The following OXNAD1 variants were observed in gnomAD, a reference collection of about 807,000 sequenced individuals.
OXNAD1 encodes oxidoreductase NAD-binding domain-containing protein 1.
Under a neutral mutation model 32.9 loss-of-function variants are expected in OXNAD1, and 34 were observed. The observed-to-expected ratio is 1.03, with a 90% CI of 0.79 to 1.38. The LOEUF (loss-of-function observed/expected upper bound fraction) is 1.38, where lower values mean the gene tolerates loss of function less well. OXNAD1 is among the 40% of genes most tolerant of loss of function. The pLI is 0.00. For synonymous variants in OXNAD1, 134 were observed against 135.2 expected (o/e 0.99, Z 0.06); for missense variants, 407 against 379.4 (o/e 1.07, Z -0.60).
chr3:16,322,809 G>C lies in OXNAD1; in HGVS notation c.*31-14303G>C, dbSNP rs777619193. Among the ~76,000 whole-genome samples the C allele has an allele frequency of 3.9e-5, 6 of 152,094 alleles. No individual in the cohort carries two copies. The highest frequency in any genetic ancestry group is 6.5e-5 in the Admixed American group (1 of 15,286). ...TCCGGAGAGGGGGAAAAGGGCCCTGGGGATCTCTTGAGGACAGCCTGGCCT... is the reference window on the plus strand; with the variant it reads ...TCCGGAGAGGGGGAAAAGGGCCCTGCGGATCTCTTGAGGACAGCCTGGCCT... On this transcript the variant is annotated intron_variant, in intron 9 of 9. Transcript: ENST00000435829. This position sits in a 1 kb window ranked among gnomAD's most constrained non-coding sequence, Gnocchi z 6.2.
chr3:16,329,599 C>A lies in OXNAD1; in HGVS notation c.*31-7513C>A, dbSNP rs1367843660. Among the ~76,000 whole-genome samples, 1 of 152,178 alleles carries A rather than the reference C, an allele frequency of 6.6e-6. No individual in the cohort carries two copies. Among genetic ancestry groups the A allele is most frequent in the African/African-American group, 2.4e-5 (1 of 41,458 alleles). On this transcript the variant is annotated intron_variant, in intron 9 of 9. Coordinates refer to the OXNAD1 transcript ENST00000435829. The surrounding 1 kb of genome is among the most constrained non-coding windows in gnomAD (Gnocchi z 4.5). ...CCCGTATTCCTCCTGCTGGGTGCCA[C>A]GCTCACCACCTGCTGAAGGAGTCCT...
At chr3:16,274,180 A>C (rs900271268) in intron 4 of OXNAD1, among the ~76,000 whole-genome samples, 14 of 151,462 alleles carry the variant, frequency 9.2e-5, no homozygotes, top group Non-Finnish European at 1.8e-4. Flanking sequence ...AAAAAAAAAA[A>C]AAAACAAAAG....
chr3:16,268,411 C>T (rs1239534861), intron 1 of OXNAD1, among the ~76,000 whole-genome samples: 1 of 145,796 alleles, frequency 6.9e-6, no homozygotes, highest in Admixed American at 7.1e-5. Flanking sequence ...CCCACTGCAA[C>T]CTCCGCCTCC....
Position 16,329,709 on chromosome 3 carries a change from C to G in OXNAD1, c.*31-7403C>G, listed in dbSNP as rs1488258459. On this transcript the variant is annotated intron_variant, in intron 9 of 9. Transcript: ENST00000435829. This position sits in a 1 kb window ranked among gnomAD's most constrained non-coding sequence, Gnocchi z 4.5. ...GAGGAAAACCAATTTTAAATCCACA[C>G]TCTCAAGCTTTGCGAGGTTATGATT... is the stretch of plus-strand genomic sequence containing the variant. Among the ~76,000 whole-genome samples the G allele has an allele frequency of 6.6e-6, 1 of 152,174 alleles. No homozygotes were observed. Among genetic ancestry groups the G allele is most frequent in the African/African-American group, 2.4e-5 (1 of 41,444 alleles).
intron 2 of OXNAD1, 121 bp from the exon 3 acceptor site, chr3:16,270,824 A>G (rs1211215736): frequency 1.4e-6 from 2 of 1,415,852 alleles, no homozygotes; most frequent in Non-Finnish European, 9.5e-7. Context: ...CTTTGGTGGT[A>G]ACTTGACTCA....
At chr3:16,338,321 T>C (rs1277755203), downstream of OXNAD1, among the ~76,000 whole-genome samples, 1 of 152,184 alleles carries the variant, frequency 6.6e-6, no homozygotes, top group African/African-American at 2.4e-5. This position sits in a 1 kb window ranked among gnomAD's most constrained non-coding sequence, Gnocchi z 5.3. Context: ...GGGAAGGTAA[T>C]GAGGCCGGAC....
rs1355711737 is a variant in OXNAD1 at position 16,346,351 on chromosome 3, T to C, written c.*31-2825T>C. The C allele has an allele frequency of 6.6e-6, 1 of 152,224 alleles. No individual in the cohort carries two copies. The highest frequency in any genetic ancestry group is 1.5e-5 in the Non-Finnish European group (1 of 68,044). The allele number at this position is 152,224 out of a possible 1,614,324, so 9.4% of individuals were successfully genotyped here. A position where few individuals can be genotyped will look rare whatever the true frequency, so the allele number is the denominator to read the frequency against. ...CTTACTTGTATCACTAAATTTTGTA[T>C]ATGAAGTGAAATATGGCTGTCTGAG... On this transcript the variant is annotated intron_variant, in intron 9 of 9. Coordinates refer to the OXNAD1 transcript ENST00000606098. This position sits in a 1 kb window ranked among gnomAD's most constrained non-coding sequence, Gnocchi z 4.4.
rs2066355350 is a variant in OXNAD1, at chr3:16,290,437, A to G, written c.290+3989A>G. 6.6e-6 allele frequency among the ~76,000 whole-genome samples: 1 copy of G among 152,186 alleles called. No homozygotes were observed. Among genetic ancestry groups the G allele is most frequent in the Non-Finnish European group, 1.5e-5 (1 of 68,038 alleles). On this transcript the variant is annotated intron_variant, in intron 5 of 8. Coordinates refer to ENST00000285083, the MANE Select transcript of OXNAD1 (RefSeq NM_138381.5). The surrounding 1 kb of genome is among the most constrained non-coding windows in gnomAD (Gnocchi z 4.2). ...AGGTAGCTTTCCAGAGTTACTAGAG[A>G]AGAGGGTTGGTTCCCTTTCATTCAA...
chr3:16,326,898 T>G (rs752866371), intron 9 of OXNAD1: 1 of 1,589,212 alleles, frequency 6.3e-7, no homozygotes, highest in Non-Finnish European at 8.6e-7. Flanking sequence ...AGGCCAGCAT[T>G]AGGGCTGCTG....
downstream of OXNAD1, among the ~76,000 whole-genome samples, chr3:16,311,011 A>AAAAAAAAAG (rs1472119686): frequency 3.0e-3 from 411 of 136,142 alleles, 12 homozygotes; most frequent in African/African-American, 0.012. Flanking sequence ...AAAAAAAAAA[A>AAAAAAAAAG]AAATCATCTG....
In OXNAD1 at chr3:16,317,010, G is replaced by C; in HGVS notation, c.*30+13418G>C. The C allele has an allele frequency of 6.2e-7, 1 of 1,613,682 alleles. No homozygotes were observed. Among genetic ancestry groups the C allele is most frequent in the Admixed American group, 1.7e-5 (1 of 59,998 alleles). On this transcript the variant is annotated intron_variant, in intron 9 of 9. Coordinates refer to the OXNAD1 transcript ENST00000435829. This position sits in a 1 kb window ranked among gnomAD's most constrained non-coding sequence, Gnocchi z 4.3. ...CACAGCAGGCCACCAGGGGACAGCT[G>C]TTCTCCCTTGTCCTCTTGGACAGGG...
Position 16,317,161 on chromosome 3 carries a change from G to A in OXNAD1, c.*30+13569G>A. Reference sequence around the variant, plus strand: ...TTTCTTCTGCTTGTTGTTTGTCTCTGGCACTGAGTTTACCTTTTGATTTCC... The same window carrying A: ...TTTCTTCTGCTTGTTGTTTGTCTCTAGCACTGAGTTTACCTTTTGATTTCC... On this transcript the variant is annotated intron_variant, in intron 9 of 9. Transcript: ENST00000435829. The surrounding 1 kb of genome is among the most constrained non-coding windows in gnomAD (Gnocchi z 4.3). 1 of 1,613,486 alleles carries A rather than the reference G, an allele frequency of 6.2e-7. No individual in the cohort carries two copies. The highest frequency in any genetic ancestry group is 8.5e-7 in the Non-Finnish European group (1 of 1,179,952).
intron 4 of OXNAD1, chr3:16,276,276 G>A (rs1342725259): frequency 9.1e-6 from 2 of 220,652 alleles, no homozygotes; most frequent in Non-Finnish European, 1.8e-5. Flanking sequence ...TTTAATACAA[G>A]TGATTTTTCT....
chr3:16,277,070 G>A lies in OXNAD1; in HGVS notation c.183+5348G>A, dbSNP rs181546821. ...CTCCCCAGTAGCTGGGATTACAGGC[G>A]CCTGCCACCATGCCCGGCTAACTTT... On this transcript the variant is annotated intron_variant, in intron 4 of 8. Coordinates refer to ENST00000285083, the MANE Select transcript of OXNAD1 (RefSeq NM_138381.5). This position sits in a 1 kb window ranked among gnomAD's most constrained non-coding sequence, Gnocchi z 4.3. 2.0e-4 allele frequency among the ~76,000 whole-genome samples: 31 copies of A among 151,948 alleles called. 1 individual carries two copies. In the East Asian group the frequency reaches 5.8e-3, roughly 28 times the overall value.
chr3:16,338,503 AAC>A (rs373939590), downstream of OXNAD1, among the ~76,000 whole-genome samples: 140 of 152,354 alleles, frequency 9.2e-4, no homozygotes, highest in African/African-American at 3.2e-3. The surrounding 1 kb of genome is among the most constrained non-coding windows in gnomAD (Gnocchi z 5.3). Flanking sequence ...TGACATCTTA[AAC>A]ACACATTGAG....
intron 9 of OXNAD1, chr3:16,313,800 T>TA: frequency 6.6e-6 from 1 of 152,348 alleles, no homozygotes; most frequent in Middle Eastern, 3.4e-3. Flanking sequence ...AAAACAGTGT[T>TA]ACTACTTCAT....
chr3:16,349,307 T>A (rs540457416), exon 10 of OXNAD1: 2 of 152,164 alleles, frequency 1.3e-5, no homozygotes, highest in South Asian at 4.1e-4. Flanking sequence ...CACCCTAAGA[T>A]AAAAGTTGGA....
At chr3:16,308,292 G>A (rs1158551193), downstream of OXNAD1, among the ~76,000 whole-genome samples, 2 of 152,162 alleles carry the variant, frequency 1.3e-5, no homozygotes, top group Non-Finnish European at 2.9e-5. This position sits in a 1 kb window ranked among gnomAD's most constrained non-coding sequence, Gnocchi z 4.4. Context: ...GACTGGGTGA[G>A]TCACTGGAAT....
At position 16,335,835 on chromosome 3, in the gene OXNAD1, TCA is replaced by T; in HGVS notation, c.*31-1274_*31-1273del. Among the ~76,000 whole-genome samples, 1 of 149,518 alleles carries T rather than the reference TCA, an allele frequency of 6.7e-6. No homozygotes were observed. The highest frequency in any genetic ancestry group is 2.0e-4 in the East Asian group (1 of 5,072). Reference sequence around the variant, plus strand: ...CCATCAAATATCTCAAGAGGGCAAGTCACAAGGAGCCTGGAAACTGGATGGAT... The same window carrying T: ...CCATCAAATATCTCAAGAGGGCAAGTCAAGGAGCCTGGAAACTGGATGGAT... On this transcript the variant is annotated intron_variant, in intron 9 of 9. Transcript: ENST00000435829. The surrounding 1 kb of genome is among the most constrained non-coding windows in gnomAD (Gnocchi z 4.7).
Sources: allele counts gnomAD v4.1 joint callset (sites outside exome capture counted in the v4.1 genomes callset), GRCh38; gene constraint gnomAD v4.1.1; non-coding constraint Gnocchi (gnomAD v3.1); transcripts MANE v1.5; gene names NCBI Gene and HGNC (gene_info 2026-07-23, HGNC 2026-07-21).